The following PCDHGA4 variants were observed in gnomAD, a reference collection of about 807,000 sequenced individuals.
PCDHGA4 encodes the protein protocadherin gamma subfamily A, 4.
In PCDHGA4, 38 loss-of-function variants were observed where a neutral mutation model predicts 54.6. That is an observed-to-expected ratio of 0.70 (90% CI 0.54 to 0.91). PCDHGA4 has a LOEUF of 0.91. Ranked by LOEUF, PCDHGA4 falls within the 40% of genes least tolerant of loss-of-function variation. PCDHGA4 has a pLI of 0.00. For synonymous variants in PCDHGA4, 511 were observed against 512.9 expected (o/e 1.00, Z 0.05); for missense variants, 1,298 against 1,220.9 (o/e 1.06, Z -0.94).
chr5:141,485,074 G>C lies in PCDHGA4; in HGVS notation c.2515-9733G>C, dbSNP rs2099606548. ...GGCCGAACCGCGCCAGAGCTGGCGC[G>C]GGGAAAGGGAGATAGGTGTCTCCAG... On this transcript the variant is annotated intron_variant, in intron 1 of 3. Coordinates refer to ENST00000571252, the MANE Select transcript of PCDHGA4 (RefSeq NM_018917.4). The surrounding 1 kb of genome is among the most constrained non-coding windows in gnomAD (Gnocchi z 5.7). 1 of 926,946 alleles carries C rather than the reference G, an allele frequency of 1.1e-6. No individual in the cohort carries two copies. The highest frequency in any genetic ancestry group is 1.6e-5 in the South Asian group (1 of 62,606). The allele number at this position is 926,946 out of a possible 1,614,324, so 57.4% of individuals were successfully genotyped here.
chr5:141,402,616 A>G (rs974813396), intron 1 of PCDHGA4, among the ~76,000 whole-genome samples: 1 of 152,256 alleles, frequency 6.6e-6, no homozygotes, highest in African/African-American at 2.4e-5. Flanking sequence ...AAATGCAAGA[A>G]ACAATTGGAG....
At chr5:141,383,367 G>C in intron 1 of PCDHGA4, 2 of 1,614,030 alleles carry the variant, frequency 1.2e-6, no homozygotes, top group Non-Finnish European at 1.7e-6. Context: ...CGTTAAGCGA[G>C]GCTGGGGATC....
rs201386958 is a variant in PCDHGA4 at position 141,413,172 on chromosome 5, T to G, written c.2514+55551T>G. 2.6e-4 allele frequency: 413 copies of G among 1,598,292 alleles called. 3 individuals carry two copies. In the East Asian group the frequency reaches 7.0e-3, roughly 27 times the overall value. ...ACTTTGCAGAATTCTGTAACCAGACTACAATGGCCGCTCAAAGGAATCGCT... is the reference window on the plus strand; with the variant it reads ...ACTTTGCAGAATTCTGTAACCAGACGACAATGGCCGCTCAAAGGAATCGCT... On this transcript the variant is annotated intron_variant, in intron 1 of 3. Coordinates refer to ENST00000571252, the MANE Select transcript of PCDHGA4 (RefSeq NM_018917.4).
chr5:141,486,399 C>G lies in PCDHGA4; in HGVS notation c.2515-8408C>G. On this transcript the variant is annotated intron_variant, in intron 1 of 3. Transcript: ENST00000571252. The surrounding 1 kb of genome is among the most constrained non-coding windows in gnomAD (Gnocchi z 5.0). ...TTCAGGAACCAGTTCTCCCTGGTGA[C>G]TGCTGGACCCTTGGATCGAGAGGCC... The G allele has an allele frequency of 6.2e-7, 1 of 1,614,188 alleles. No individual in the cohort carries two copies. The highest frequency in any genetic ancestry group is 1.1e-5 in the South Asian group (1 of 91,090).
At chr5:141,418,095 C>A (rs1246996867) in intron 1 of PCDHGA4, 1 of 1,614,006 alleles carries the variant, frequency 6.2e-7, no homozygotes, top group Middle Eastern at 1.7e-4. Context: ...AGCGTAGACG[C>A]GCAGAGCGGG....
At position 141,511,124 on chromosome 5, in the gene PCDHGA4, C is replaced by A. The variant is rs752246201; in HGVS notation, c.2840C>A (p.Ala947Glu). The A allele has an allele frequency of 6.2e-7, 1 of 1,614,206 alleles. No homozygotes were observed. The highest frequency in any genetic ancestry group is 8.5e-7 in the Non-Finnish European group (1 of 1,180,022). ...AAGKRDGKAP[A>E]GGNGNKKKSG... The stretch of plus-strand genomic sequence containing the variant: ...GGCAAGCGGGATGGCAAGGCCCCAG[C>A]AGGTGGCAATGGCAACAAGAAGAAG... Residue 947 changes from alanine (A) to glutamate (E), a missense_variant, in exon 4 of 4, where the codon GCA becomes GAA. Coordinates refer to ENST00000571252, the MANE Select transcript of PCDHGA4 (RefSeq NM_018917.4).
At chr5:141,499,115 C>T (rs940275925) in intron 2 of PCDHGA4, among the ~76,000 whole-genome samples, 16 of 152,124 alleles carry the variant, frequency 1.1e-4, no homozygotes, top group African/African-American at 3.9e-4. Context: ...CACCACTATC[C>T]CTTCTCAGGT....
rs745777482 is a variant in PCDHGA4 at position 141,356,065 on chromosome 5, T to C, written c.958T>C (p.Ser320Pro). 2 of 1,613,808 alleles carry C rather than the reference T, an allele frequency of 1.2e-6. No homozygotes were observed. Among genetic ancestry groups the C allele is most frequent in the South Asian group, 2.2e-5 (2 of 91,082 alleles). Residue 320 changes from serine to proline, a missense_variant, in exon 1 of 4, where the codon TCA becomes CCA. Ser to Pro is a moderately conservative substitution (Grantham distance 74). Transcript: ENST00000571252. ...TTTCCGGAAAGTAAGAGACAAAATA[T>C]CACAGCTATTTCAGTTGAATTCTCT... is the stretch of plus-strand genomic sequence containing the variant. ...YSFRKVRDKI[S>P]QLFQLNSLSG...
At chr5:141,372,937 GGGTGTCTAGGA>G (rs538849819) in intron 1 of PCDHGA4, 1 of 831,292 alleles carries the variant, frequency 1.2e-6, no homozygotes, top group East Asian at 2.7e-5. Flanking sequence ...GTGTAGAGTA[GGGTGTCTAGGA>G]AATTCTTTGT....
intron 3 of PCDHGA4, among the ~76,000 whole-genome samples, chr5:141,510,244 G>A (rs549784078): frequency 6.6e-6 from 1 of 151,116 alleles, no homozygotes; most frequent in African/African-American, 2.4e-5. Flanking sequence ...CTGCACTCCA[G>A]GCTGGGCGAC....
chr5:141,414,210 T>C (rs1252033650), intron 1 of PCDHGA4: 1 of 1,612,706 alleles, frequency 6.2e-7, no homozygotes, highest in East Asian at 2.2e-5. Flanking sequence ...AAGATGTAAA[T>C]GACAACAGTC....
At chr5:141,459,156 T>C (rs920698328) in intron 1 of PCDHGA4, among the ~76,000 whole-genome samples, 1 of 152,188 alleles carries the variant, frequency 6.6e-6, no homozygotes, top group Non-Finnish European at 1.5e-5. Flanking sequence ...ATATAGAACA[T>C]TTCTATAACC....
At chr5:141,510,754 C>G (rs1407911674) in intron 3 of PCDHGA4, among the ~76,000 whole-genome samples, 193 bp from the exon 4 acceptor site, 3 of 152,168 alleles carry the variant, frequency 2.0e-5, no homozygotes, top group African/African-American at 7.2e-5. Flanking sequence ...GACTTTCTCA[C>G]TCCAGAGCCT....
At chr5:141,421,548 G>C in intron 1 of PCDHGA4, 1 of 1,613,984 alleles carries the variant, frequency 6.2e-7, no homozygotes, top group Non-Finnish European at 8.5e-7. Flanking sequence ...TTTTAAATAT[G>C]GAACTTCTCG....
intron 1 of PCDHGA4, chr5:141,400,097 A>G: frequency 6.2e-7 from 1 of 1,614,048 alleles, no homozygotes; most frequent in Non-Finnish European, 8.5e-7. Flanking sequence ...GCCACGCTGC[A>G]CTTGGTCTTT....
chr5:141,430,033 C>T (rs556099456), intron 1 of PCDHGA4, among the ~76,000 whole-genome samples: 1 of 152,066 alleles, frequency 6.6e-6, no homozygotes, highest in Non-Finnish European at 1.5e-5. Context: ...AAGTGTGATT[C>T]TGATAATGTA....
At position 141,508,878 on chromosome 5, in the gene PCDHGA4, C is replaced by A. The variant is rs189735747; in HGVS notation, c.2663-2069C>A. The stretch of plus-strand genomic sequence containing the variant: ...GGCTGGGAAAGGCTGAAGAGGCTGA[C>A]GGCTGGAGGGGAGGGGGCGGGGCGG... On this transcript the variant is annotated intron_variant, in intron 3 of 3. Transcript: ENST00000571252. Among the ~76,000 whole-genome samples, 561 of 152,074 alleles carry A rather than the reference C, an allele frequency of 3.7e-3. 3 individuals carry two copies. The highest frequency in any genetic ancestry group is 0.012 in the African/African-American group (508 of 41,498).
At chr5:141,418,802 T>C in intron 1 of PCDHGA4, 1 of 1,613,862 alleles carries the variant, frequency 6.2e-7, no homozygotes, top group Non-Finnish European at 8.5e-7. Flanking sequence ...AGTAGAAAGA[T>C]ATACGATAAA....
At chr5:141,388,827 A>T (rs376001893) in intron 1 of PCDHGA4, 4 of 1,614,024 alleles carry the variant, frequency 2.5e-6, no homozygotes, top group Non-Finnish European at 2.5e-6. Flanking sequence ...AGAATATTCC[A>T]TAGTTTTGGA....
Sources: gnomAD v4.1 joint callset for allele counts (sites outside exome capture counted in the v4.1 genomes callset) on GRCh38, gnomAD v4.1.1 for gene constraint, Gnocchi (gnomAD v3.1) non-coding constraint, MANE v1.5 for transcripts, NCBI Gene and HGNC (gene_info 2026-07-23, HGNC 2026-07-21) for gene names.